The following ACER3 variants were observed in gnomAD, a reference collection of about 807,000 sequenced individuals.
ACER3 encodes the protein alkaline ceramidase 3, also known as alkCDase 3.
In ACER3, 16 loss-of-function variants were observed where a neutral mutation model predicts 48.9. The observed-to-expected ratio is 0.33, with a 90% CI of 0.22 to 0.50. The LOEUF (loss-of-function observed/expected upper bound fraction) is 0.50, where lower values mean the gene tolerates loss of function less well. ACER3 is among the 20% of genes least tolerant of loss of function. The probability of loss-of-function intolerance (pLI) is 0.98; values close to 1 mark genes in which losing one functional copy is unlikely to be tolerated. For synonymous variants in ACER3, 109 were observed against 107.8 expected (o/e 1.01, Z -0.07); for missense variants, 227 against 326.0 (o/e 0.70, Z 2.34).
intron 2 of ACER3, among the ~76,000 whole-genome samples, chr11:76,947,936 G>T (rs1947518941): frequency 6.6e-6 from 1 of 152,172 alleles, no homozygotes; most frequent in Non-Finnish European, 1.5e-5. Context: ...AGTAGCCCAT[G>T]TAGTCAGTGA....
intron 3 of ACER3, among the ~76,000 whole-genome samples, chr11:76,967,387 A>G (rs1384423786): frequency 7.2e-5 from 11 of 152,138 alleles, no homozygotes; most frequent in Non-Finnish European, 1.0e-4. Flanking sequence ...GTACAAGGAG[A>G]AGCTGGTACC....
chr11:76,926,725 A>C, intron 2 of ACER3, 58 bp downstream of exon 2: 1 of 1,147,460 alleles, frequency 8.7e-7, no homozygotes, highest in African/African-American at 1.5e-5. Context: ...CATTTTTCTC[A>C]TTCATTTCTA....
At chr11:76,895,494 A>G (rs1471503655) in intron 1 of ACER3, among the ~76,000 whole-genome samples, 2 of 152,246 alleles carry the variant, frequency 1.3e-5, no homozygotes, top group African/African-American at 4.8e-5. Context: ...AAAGAGAGAT[A>G]TAATAGGGCT....
chr11:76,918,824 G>A (rs967673750), intron 1 of ACER3, among the ~76,000 whole-genome samples: 3 of 152,148 alleles, frequency 2.0e-5, no homozygotes, highest in Non-Finnish European at 2.9e-5. Context: ...CAGCTAGAAG[G>A]TGGTAGTAGA....
chr11:76,987,799 A>G (rs4341568), intron 5 of ACER3, among the ~76,000 whole-genome samples: 2 of 151,928 alleles, frequency 1.3e-5, no homozygotes, highest in Non-Finnish European at 2.9e-5. Context: ...AATTAGCTGG[A>G]TGTGGTGGCA....
At chr11:76,958,668 AG>A (rs1947908590) in intron 2 of ACER3, among the ~76,000 whole-genome samples, 1 of 152,226 alleles carries the variant, frequency 6.6e-6, no homozygotes, top group Non-Finnish European at 1.5e-5. Flanking sequence ...GCAAAGGAGT[AG>A]CTAACCAGCT....
At chr11:76,898,016 A>C (rs7120215) in intron 1 of ACER3, among the ~76,000 whole-genome samples, 107,113 of 151,970 alleles carry the variant, frequency 0.7, 38,053 homozygotes, top group Non-Finnish European at 0.74. Context: ...ATTGCTTCAT[A>C]AAAGGCACTG....
Position 77,022,619 on chromosome 11 carries a change from T to C in ACER3, c.*2292T>C, listed in dbSNP as rs1429952892. On this transcript the variant is annotated 3_prime_UTR_variant, in exon 11 of 11. Transcript: ENST00000532485. ...TAAATTATTTCAATAGCTTTATTTTTTTCCTACTTGGATTCTAGGTGGACA... is the reference window on the plus strand; with the variant it reads ...TAAATTATTTCAATAGCTTTATTTTCTTCCTACTTGGATTCTAGGTGGACA... 1 of 152,420 alleles carries C rather than the reference T, an allele frequency of 6.6e-6. No individual in the cohort carries two copies. The highest frequency in any genetic ancestry group is 1.5e-5 in the Non-Finnish European group (1 of 68,204). The allele number at this position is 152,420 out of a possible 1,614,324, so 9.4% of individuals were successfully genotyped here.
At chr11:76,973,313 C>A (rs61086262) in intron 3 of ACER3, among the ~76,000 whole-genome samples, 3,186 of 152,250 alleles carry the variant, frequency 0.021, 113 homozygotes, top group African/African-American at 0.073. Context: ...CTGAGATACC[C>A]CCCTGTGCCC....
intron 2 of ACER3, among the ~76,000 whole-genome samples, chr11:76,957,091 C>G (rs1390860948): frequency 6.6e-6 from 1 of 152,164 alleles, no homozygotes; most frequent in Non-Finnish European, 1.5e-5. Context: ...TGTTCCTTCT[C>G]TGTGCTTCTG....
At chr11:76,988,223 C>CA (rs1948725018) in intron 5 of ACER3, among the ~76,000 whole-genome samples, 1 of 152,120 alleles carries the variant, frequency 6.6e-6, no homozygotes, top group Admixed American at 6.6e-5. Flanking sequence ...TTGATGGAGG[C>CA]AAAAGCCAGA....
Position 77,015,032 on chromosome 11 carries a change from A to C in ACER3, c.514A>C (p.Arg172=), listed in dbSNP as rs782375162. Residue 172 remains arginine, a synonymous_variant, in exon 8 of 11, where the codon AGA becomes CGA. Transcript: ENST00000532485. ...CCCCCACAGGGTTTATCCATGGCTT[A>C]GAGGACTGGGTTATACATCATTGGG... The part of the protein sequence containing the change: ...YIVTWVYPWL[R]GLGYTSLGIF... 6.3e-7 allele frequency: 1 copy of C among 1,599,550 alleles called. No homozygotes were observed. Among genetic ancestry groups the C allele is most frequent in the African/African-American group, 1.3e-5 (1 of 74,626 alleles).
chr11:76,993,400 A>G (rs910818609), intron 6 of ACER3, among the ~76,000 whole-genome samples: 1 of 152,250 alleles, frequency 6.6e-6, no homozygotes, highest in Non-Finnish European at 1.5e-5. Context: ...ACACAGGCAA[A>G]TAAGATATGG....
intron 3 of ACER3, among the ~76,000 whole-genome samples, chr11:76,961,596 C>T (rs1443908262): frequency 6.7e-6 from 1 of 148,286 alleles, no homozygotes; most frequent in African/African-American, 2.5e-5. Context: ...CTTTTTATGC[C>T]AGAAAAAATG....
rs1590888916 is a variant in ACER3 at position 76,891,456 on chromosome 11, C to G, written c.103+30377C>G. On this transcript the variant is annotated intron_variant, in intron 1 of 10. Coordinates refer to ENST00000532485, the MANE Select transcript of ACER3 (RefSeq NM_018367.7). ...TCTAATCTGATTGTGAGTCATCTGG[C>G]TGTTTATTTGAATCCTTTAAAATAT... Among the ~76,000 whole-genome samples the G allele has an allele frequency of 4.6e-5, 7 of 152,180 alleles. No homozygotes were observed. In the South Asian group the frequency reaches 1.2e-3, roughly 27 times the overall value.
chr11:77,003,349 G>T (rs1295168839), intron 7 of ACER3, among the ~76,000 whole-genome samples: 1 of 152,158 alleles, frequency 6.6e-6, no homozygotes, highest in East Asian at 1.9e-4. Flanking sequence ...TATGTGTGTA[G>T]CATTGGTTAC....
At chr11:76,869,786 C>T (rs946579325) in intron 1 of ACER3, among the ~76,000 whole-genome samples, 1 of 152,170 alleles carries the variant, frequency 6.6e-6, no homozygotes, top group Non-Finnish European at 1.5e-5. Flanking sequence ...GTAATGTCCT[C>T]AAGGTTCATC....
intron 1 of ACER3, among the ~76,000 whole-genome samples, chr11:76,865,851 C>T (rs1447396895): frequency 6.7e-6 from 1 of 148,270 alleles, no homozygotes; most frequent in Non-Finnish European, 1.5e-5. Context: ...AAGTCTCATT[C>T]TGTCGCCCAG....
At chr11:76,923,311 C>T (rs1054607009) in intron 1 of ACER3, among the ~76,000 whole-genome samples, 2 of 152,104 alleles carry the variant, frequency 1.3e-5, no homozygotes, top group Non-Finnish European at 2.9e-5. Context: ...TTATTTTATT[C>T]CTTTGTAAGC....
Sources: gnomAD v4.1 joint callset for allele counts (sites outside exome capture counted in the v4.1 genomes callset) on GRCh38, gnomAD v4.1.1 for gene constraint, MANE v1.5 for transcripts, NCBI Gene and HGNC (gene_info 2026-07-23, HGNC 2026-07-21) for gene names.